The following ZBTB25 variants were observed in gnomAD, a reference collection of about 807,000 sequenced individuals.
ZBTB25 encodes the protein zinc finger and BTB domain-containing protein 25.
A neutral mutation model predicts 34.2 loss-of-function variants in ZBTB25; 20 were observed. The observed-to-expected ratio is 0.58, with a 90% CI of 0.41 to 0.85. The LOEUF is 0.85. Ranked by LOEUF, ZBTB25 falls within the 40% of genes least tolerant of loss-of-function variation. The pLI is 0.00. For synonymous variants in ZBTB25, 175 were observed against 186.4 expected (o/e 0.94, Z 0.50); for missense variants, 437 against 521.8 (o/e 0.84, Z 1.58).
chr14:64,476,753 T>G (rs2078724171), downstream of ZBTB25, among the ~76,000 whole-genome samples: 1 of 151,928 alleles, frequency 6.6e-6, no homozygotes, highest in African/African-American at 2.4e-5. Context: ...AAAGTCAAAC[T>G]CAGTTTTTGA....
At chr14:64,505,077 G>C (rs1303423712), upstream of ZBTB25, 2 of 362,446 alleles carry the variant, frequency 5.5e-6, no homozygotes, top group Non-Finnish European at 9.8e-6. Flanking sequence ...CGCGGCGGAC[G>C]CGCTGCGAGG....
At chr14:64,500,569 G>A (rs967764376) in intron 1 of ZBTB25, among the ~76,000 whole-genome samples, 3 of 152,008 alleles carry the variant, frequency 2.0e-5, no homozygotes, top group Non-Finnish European at 4.4e-5. Flanking sequence ...AGGCCGAGGA[G>A]GGTGGATCAC....
chr14:64,467,619 G>A (rs2078624953), intron 2 of ZBTB25: 1 of 151,902 alleles, frequency 6.6e-6, no homozygotes, highest in Non-Finnish European at 1.5e-5. Flanking sequence ...AAAGTCTCTA[G>A]TTCTAACTCT....
rs2141019894 is a variant in ZBTB25, at chr14:64,486,371, T to C, written c.*552A>G. On this transcript the variant is annotated 3_prime_UTR_variant, in exon 3 of 3. Coordinates refer to ENST00000608382, the MANE Select transcript of ZBTB25 (RefSeq NM_006977.5). ...CCATGTAGGTAAGATGTTGTGGAGC[T>C]AGTAGTTAAAAAATAAAACTACTCA... 6 of 985,414 alleles carry C rather than the reference T, an allele frequency of 6.1e-6. No individual in the cohort carries two copies. Among genetic ancestry groups the C allele is most frequent in the Non-Finnish European group, 7.2e-6 (6 of 829,920 alleles). The allele number at this position is 985,414 out of a possible 1,614,324, so 61.0% of individuals were successfully genotyped here.
chr14:64,475,805 T>C (rs957920436), downstream of ZBTB25, among the ~76,000 whole-genome samples: 2 of 152,186 alleles, frequency 1.3e-5, no homozygotes, highest in Non-Finnish European at 2.9e-5. Context: ...GCCTTAAAAC[T>C]GTCTCCGTAA....
At chr14:64,497,120 G>A (rs911295431) in intron 1 of ZBTB25, among the ~76,000 whole-genome samples, 1 of 151,710 alleles carries the variant, frequency 6.6e-6, no homozygotes, top group Admixed American at 6.6e-5. Flanking sequence ...ATCAAATAAG[G>A]GAGTAAACTT....
rs761933674 is a variant in ZBTB25, at chr14:64,480,309, C to A, written c.*6614G>T. On this transcript the variant is annotated 3_prime_UTR_variant, in exon 3 of 3. Coordinates refer to ENST00000608382, the MANE Select transcript of ZBTB25 (RefSeq NM_006977.5). The stretch of plus-strand genomic sequence containing the variant: ...CTGTACTCCAGCCTGGGCAACAGAG[C>A]AAGACTCCATCTCAAAAAAAAAAAA... The A allele has an allele frequency of 1.2e-3, 360 of 301,196 alleles. No homozygotes were observed. Among genetic ancestry groups the A allele is most frequent in the Admixed American group, 2.7e-3 (46 of 17,060 alleles). The allele number at this position is 301,196 out of a possible 1,614,324, so 18.7% of individuals were successfully genotyped here. A position where few individuals can be genotyped will look rare whatever the true frequency, so the allele number is the denominator to read the frequency against.
At position 64,480,468 on chromosome 14, in the gene ZBTB25, A is replaced by C. The variant is rs1239345638; in HGVS notation, c.*6455T>G. 1 of 314,146 alleles carries C rather than the reference A, an allele frequency of 3.2e-6. No individual in the cohort carries two copies. The highest frequency in any genetic ancestry group is 6.3e-6 in the Non-Finnish European group (1 of 159,446). 19.5% of individuals were successfully genotyped at this position (314,146 alleles called of 1,614,324 possible). The stretch of plus-strand genomic sequence containing the variant: ...CGATTAACACAGATTATGGTCGGTA[A>C]GAATTAGGTCCACAAATGCATTTTT... On this transcript the variant is annotated 3_prime_UTR_variant, in exon 3 of 3. Transcript: ENST00000608382.
chr14:64,491,706 G>C (rs1030037587), intron 1 of ZBTB25, among the ~76,000 whole-genome samples: 3 of 152,176 alleles, frequency 2.0e-5, no homozygotes, highest in Non-Finnish European at 4.4e-5. Context: ...ACTGTGGAGA[G>C]AGCCCTGGTA....
At chr14:64,488,835 G>C (rs893550393) in intron 2 of ZBTB25, among the ~76,000 whole-genome samples, 14 of 152,250 alleles carry the variant, frequency 9.2e-5, no homozygotes, top group African/African-American at 3.4e-4. Context: ...AGTGGTAATG[G>C]TTGTACAACA....
At chr14:64,463,987 C>G (rs1362726125) in intron 2 of ZBTB25, among the ~76,000 whole-genome samples, 1 of 151,938 alleles carries the variant, frequency 6.6e-6, no homozygotes, top group Non-Finnish European at 1.5e-5. Flanking sequence ...TAGAGAGATA[C>G]GCAGACCATT....
intron 1 of ZBTB25, among the ~76,000 whole-genome samples, chr14:64,493,436 G>A (rs1215471955): frequency 3.3e-5 from 5 of 152,150 alleles, no homozygotes; most frequent in Non-Finnish European, 7.4e-5. Context: ...GAAACAGTGG[G>A]CCCACAGTTA....
chr14:64,449,568 C>T lies in ZBTB25; in HGVS notation c.244G>A (p.Gly82Ser), dbSNP rs745539820. Reference sequence around the variant, plus strand: ...AGGGTGCCTTAGCCCTGGCTCAGGCCGTCCAGAGAGCAGCACAAGCACCCA... The same window carrying T: ...AGGGTGCCTTAGCCCTGGCTCAGGCTGTCCAGAGAGCAGCACAAGCACCCA... The change falls in exon 3 of 3, where the codon GGC (glycine) becomes AGC (serine). Residue 82 changes from glycine to serine, a missense_variant. Transcript: ENST00000555220. 13 of 1,614,148 alleles carry T rather than the reference C, an allele frequency of 8.1e-6. No homozygotes were observed. The highest frequency in any genetic ancestry group is 3.3e-5 in the Admixed American group (2 of 60,024).
rs57528409 is a variant in ZBTB25 at position 64,449,227 on chromosome 14, G to A, written c.*324C>T. On this transcript the variant is annotated 3_prime_UTR_variant, in exon 3 of 3. Transcript: ENST00000555220. The stretch of plus-strand genomic sequence containing the variant: ...TGAAATAAGTGCTGTGATTATTCGC[G>A]TATTACCAGGGTGGAAATTGAGGCA... 1.4e-3 allele frequency: 895 copies of A among 617,530 alleles called. 16 individuals are homozygous for A. In the East Asian group the frequency reaches 0.021, roughly 15 times the overall value. The allele number at this position is 617,530 out of a possible 1,614,324, so 38.3% of individuals were successfully genotyped here.
downstream of ZBTB25, among the ~76,000 whole-genome samples, chr14:64,475,752 G>A (rs115658401): frequency 3.7e-3 from 557 of 152,264 alleles, 4 homozygotes; most frequent in African/African-American, 0.012. Context: ...GGGAAACCTA[G>A]GTGAGGAGAG....
intron 1 of ZBTB25, among the ~76,000 whole-genome samples, chr14:64,493,922 A>G (rs576540303): frequency 6.6e-6 from 1 of 152,248 alleles, no homozygotes; most frequent in Non-Finnish European, 1.5e-5. Context: ...CAGGTATCTA[A>G]GTAGAAATGT....
intron 2 of ZBTB25, among the ~76,000 whole-genome samples, chr14:64,490,135 G>A (rs1984696): frequency 0.055 from 7,865 of 142,238 alleles, 305 homozygotes; most frequent in Middle Eastern, 0.12. Context: ...TTGTACCTGG[G>A]AGGCAGAGGT....
intron 1 of ZBTB25, among the ~76,000 whole-genome samples, chr14:64,496,947 A>G (rs1566614721): frequency 6.6e-6 from 1 of 152,226 alleles, no homozygotes; most frequent in Non-Finnish European, 1.5e-5. Context: ...CTGAGAAACC[A>G]CAGGCTCAGA....
In ZBTB25 at chr14:64,503,822, G is replaced by C. The variant is rs899174743; in HGVS notation, c.-169C>G. On this transcript the variant is annotated 5_prime_UTR_variant, in exon 1 of 3. Coordinates refer to ENST00000608382, the MANE Select transcript of ZBTB25 (RefSeq NM_006977.5). ...GATGGCCCCACGTGACCGCGTGTCT[G>C]GTAGCAGGGGAAAGAGGGGCGCCAG... The C allele has an allele frequency of 6.3e-6, 1 of 158,578 alleles. No homozygotes were observed. Among genetic ancestry groups the C allele is most frequent in the South Asian group, 2.0e-4 (1 of 4,938 alleles). 9.8% of individuals were successfully genotyped at this position (158,578 alleles called of 1,614,324 possible). A position where few individuals can be genotyped will look rare whatever the true frequency, so the allele number is the denominator to read the frequency against.
Sources: allele counts gnomAD v4.1 joint callset (sites outside exome capture counted in the v4.1 genomes callset), GRCh38; gene constraint gnomAD v4.1.1; transcripts MANE v1.5; gene names NCBI Gene and HGNC (gene_info 2026-07-23, HGNC 2026-07-21).